SLC7A1: variants seen among roughly 807,000 people sequenced by gnomAD.
SLC7A1 encodes high affinity cationic amino acid transporter 1.
In SLC7A1, 10 loss-of-function variants were observed where a neutral mutation model predicts 53.9. The observed-to-expected ratio is 0.19, with a 90% CI of 0.11 to 0.31. The LOEUF (loss-of-function observed/expected upper bound fraction) is 0.31, where lower values mean the gene tolerates loss of function less well. Among genes scored for constraint, SLC7A1 ranks in the 10% least tolerant of loss-of-function variants. The pLI, the probability that SLC7A1 is intolerant of heterozygous loss-of-function variation, is 1.00. For missense variants in SLC7A1, 525 were observed against 827.2 expected (o/e 0.63, Z 4.48); for synonymous variants, 342 against 338.7 (o/e 1.01, Z -0.11).
chr13:29,583,561 C>A (rs1871745659), intron 1 of SLC7A1, among the ~76,000 whole-genome samples: 1 of 152,124 alleles, frequency 6.6e-6, no homozygotes, highest in Non-Finnish European at 1.5e-5. Context: ...CACACAGGAC[C>A]ACTCATGGGC....
intron 12 of SLC7A1, among the ~76,000 whole-genome samples, 192 bp downstream of exon 12, chr13:29,515,946 A>AG (rs1341881157): frequency 6.6e-6 from 1 of 152,262 alleles, no homozygotes; most frequent in African/African-American, 2.4e-5. Flanking sequence ...AAGAATAAAT[A>AG]GTTTGGACAA....
intron 2 of SLC7A1, among the ~76,000 whole-genome samples, chr13:29,545,150 G>A (rs1483586502): frequency 6.6e-6 from 1 of 152,098 alleles, no homozygotes; most frequent in Non-Finnish European, 1.5e-5. Context: ...GCTGAATACT[G>A]AATGGTTTCA....
Position 29,532,966 on chromosome 13 carries a change from C to T in SLC7A1, c.387G>A (p.Ala129=), listed in dbSNP as rs34981623. Residue 129 remains alanine (A), a synonymous_variant, in exon 4 of 13, where the codon GCG becomes GCA. Transcript: ENST00000380752. ...LSYIIGTSSV[A]RAWSATFDEL... ...CGTCGAAGGTGGCGCTCCAGGCCCT[C>T]GCTACGCTTGAAGTACCTGCCACAA... The T allele has an allele frequency of 3.6e-3, 5,730 of 1,612,934 alleles. 188 individuals are homozygous for T. In the African/African-American group the frequency reaches 0.068, roughly 19 times the overall value.
intron 3 of SLC7A1, among the ~76,000 whole-genome samples, chr13:29,534,539 C>A (rs1947374972): frequency 6.6e-6 from 1 of 152,206 alleles, no homozygotes; most frequent in Non-Finnish European, 1.5e-5. Flanking sequence ...GCAGATACTG[C>A]AGCTGCTGGA....
chr13:29,583,930 C>G (rs762674264), intron 1 of SLC7A1, among the ~76,000 whole-genome samples: 1 of 152,024 alleles, frequency 6.6e-6, no homozygotes, highest in Non-Finnish European at 1.5e-5. Flanking sequence ...AAAAAACAAA[C>G]AAACAAACAA....
intron 2 of SLC7A1, among the ~76,000 whole-genome samples, chr13:29,543,515 A>T (rs1021823615): frequency 1.3e-5 from 2 of 152,224 alleles, no homozygotes; most frequent in Non-Finnish European, 2.9e-5. Flanking sequence ...AACAGGGCTG[A>T]TGGCAGAAGT....
chr13:29,531,540 G>T (rs148370761), intron 4 of SLC7A1, among the ~76,000 whole-genome samples: 1 of 152,152 alleles, frequency 6.6e-6, no homozygotes, highest in Admixed American at 6.5e-5. Flanking sequence ...GCCTCTCATC[G>T]TTTTAAAATA....
At chr13:29,578,317 CTT>C (rs1346744395) in intron 1 of SLC7A1, among the ~76,000 whole-genome samples, 3 of 152,052 alleles carry the variant, frequency 2.0e-5, no homozygotes, top group African/African-American at 7.2e-5. Context: ...AAATCGAACT[CTT>C]TGCCATCCTT....
At chr13:29,523,706 A>G (rs758922631) in intron 6 of SLC7A1, among the ~76,000 whole-genome samples, 68 of 152,302 alleles carry the variant, frequency 4.5e-4, no homozygotes, top group Non-Finnish European at 8.8e-4. Context: ...GCCCTGCAAC[A>G]GTGTTCTCGG....
At chr13:29,574,793 C>T (rs988741324) in intron 1 of SLC7A1, among the ~76,000 whole-genome samples, 4 of 151,868 alleles carry the variant, frequency 2.6e-5, no homozygotes, top group East Asian at 3.9e-4. Flanking sequence ...TACAGGTGCG[C>T]GCCACCATGA....
chr13:29,530,288 G>A (rs953750103), intron 5 of SLC7A1, among the ~76,000 whole-genome samples: 1 of 152,152 alleles, frequency 6.6e-6, no homozygotes, highest in Non-Finnish European at 1.5e-5. Flanking sequence ...GAATTAGGGT[G>A]ATGATTTTCT....
intron 9 of SLC7A1, 120 bp downstream of exon 9, chr13:29,519,327 C>T: frequency 1.6e-6 from 1 of 609,644 alleles, no homozygotes; most frequent in Non-Finnish European, 2.9e-6. Flanking sequence ...CTTGGCAGCT[C>T]CCAATGGAGC....
chr13:29,538,044 C>A (rs536141609), intron 2 of SLC7A1, among the ~76,000 whole-genome samples: 1 of 152,150 alleles, frequency 6.6e-6, no homozygotes, highest in Non-Finnish European at 1.5e-5. Context: ...GGGGATGGTG[C>A]CTGCTCTGTT....
At chr13:29,514,605 G>C in intron 12 of SLC7A1, 22 bp from the exon 13 acceptor site, 11 of 1,570,152 alleles carry the variant, frequency 7.0e-6, no homozygotes, top group Non-Finnish European at 9.5e-6. Context: ...CAGCAGAGAC[G>C]GGCGTGAACA....
intron 1 of SLC7A1, among the ~76,000 whole-genome samples, chr13:29,584,124 T>TC: frequency 6.6e-6 from 1 of 151,960 alleles, no homozygotes; most frequent in East Asian, 1.9e-4. Context: ...TTTTTCTTTT[T>TC]TTTTTTTGAG....
intron 2 of SLC7A1, among the ~76,000 whole-genome samples, chr13:29,545,170 G>A (rs1869858611): frequency 6.6e-6 from 1 of 152,016 alleles, no homozygotes; most frequent in Non-Finnish European, 1.5e-5. Flanking sequence ...ATTCACCAAC[G>A]AATAAATTTG....
intron 2 of SLC7A1, among the ~76,000 whole-genome samples, chr13:29,546,228 G>A (rs1347101546): frequency 6.6e-6 from 1 of 152,184 alleles, no homozygotes; most frequent in Non-Finnish European, 1.5e-5. Flanking sequence ...GAGCTTCCAC[G>A]AAACAGGCTT....
chr13:29,561,439 G>A (rs1870750304), intron 1 of SLC7A1, among the ~76,000 whole-genome samples: 1 of 152,182 alleles, frequency 6.6e-6, no homozygotes, highest in Non-Finnish European at 1.5e-5. Context: ...CTTTGGGATG[G>A]CCAGATTCCT....
At chr13:29,532,193 G>A (rs1392159216) in intron 4 of SLC7A1, among the ~76,000 whole-genome samples, 2 of 152,154 alleles carry the variant, frequency 1.3e-5, no homozygotes, top group Non-Finnish European at 2.9e-5. Context: ...CATGTTTATG[G>A]AGCCCCACAG....
Sources: allele counts gnomAD v4.1 joint callset (sites outside exome capture counted in the v4.1 genomes callset), GRCh38; gene constraint gnomAD v4.1.1; transcripts MANE v1.5; gene names NCBI Gene and HGNC (gene_info 2026-07-23, HGNC 2026-07-21).